The following STOML1 variants were observed in gnomAD, a reference collection of about 807,000 sequenced individuals.
STOML1 encodes the protein stomatin-like protein 1.
Under a neutral mutation model 35.7 loss-of-function variants are expected in STOML1, and 27 were observed. The ratio of observed to expected loss-of-function variants is 0.76; its 90% confidence interval spans 0.56 to 1.04. The LOEUF is 1.04. STOML1 is among the 50% of genes least tolerant of loss of function. The probability of loss-of-function intolerance (pLI) is 0.00; values close to 1 mark genes in which losing one functional copy is unlikely to be tolerated. For missense variants in STOML1, 451 were observed against 527.1 expected, an observed-to-expected ratio of 0.86 and a Z score of 1.41; for synonymous variants, 219 against 227.9, an observed-to-expected ratio of 0.96 and a Z score of 0.35.
chr15:73,984,709 A>G lies in STOML1; in HGVS notation c.953T>C (p.Val318Ala), dbSNP rs1346900893. The G allele has an allele frequency of 6.2e-7, 1 of 1,614,124 alleles. No individual in the cohort carries two copies. The highest frequency in any genetic ancestry group is 2.2e-5 in the East Asian group (1 of 44,878). The change falls in exon 6 of 7, where the codon GTC becomes GCC. Residue 318 changes from valine (V) to alanine (A), a missense_variant. Physicochemically the swap from Val to Ala is moderately conservative, Grantham distance 64. Transcript: ENST00000541638. ...GCTTTGGGTGCCGCTGGGCAGGACG[A>G]CATTGAACTGGTAGCAGGCCCCGAC... ...SQVGACYQFN[V>A]VLPSGTQSAY...
rs1170357778 is a variant in STOML1 at position 73,979,918 on chromosome 15, A to T, written c.*4019T>A. The T allele has an allele frequency of 2.0e-5, 3 of 147,406 alleles. No homozygotes were observed. The East Asian group carries it at 5.8e-4, about 29-fold the overall frequency. 9.1% of individuals were successfully genotyped at this position (147,406 alleles called of 1,614,324 possible). A position where few individuals can be genotyped will look rare whatever the true frequency, so the allele number is the denominator to read the frequency against. On this transcript the variant is annotated 3_prime_UTR_variant, in exon 7 of 7. Transcript: ENST00000541638. ...GCTTGAGAAGGCCCTGTCTCTACAA[A>T]AAAAAAAAAAAAAAAAAAGCCAGGC...
intron 1 of STOML1, chr15:73,990,950 A>C: frequency 6.7e-7 from 1 of 1,486,764 alleles, no homozygotes; most frequent in Non-Finnish European, 8.9e-7. Flanking sequence ...CTTAGCCTAC[A>C]GGGATAAATC....
chr15:73,987,287 G>C (rs1315964507), intron 4 of STOML1: 1 of 152,508 alleles, frequency 6.6e-6, no homozygotes, highest in East Asian at 1.9e-4. Flanking sequence ...AGGGGCATGT[G>C]AATAAGTGTA....
intron 5 of STOML1, 147 bp downstream of exon 5, chr15:73,985,171 G>T: frequency 2.0e-6 from 2 of 1,022,714 alleles, no homozygotes; most frequent in Non-Finnish European, 2.8e-6. Context: ...CAGACACCTG[G>T]CCTCCTCTCA....
At chr15:73,989,401 A>C in intron 2 of STOML1, 144 bp from the exon 3 acceptor site, 4 of 1,001,010 alleles carry the variant, frequency 4.0e-6, no homozygotes, top group Non-Finnish European at 5.4e-6. Context: ...TGAGAAAACC[A>C]AGGCTCAGGG....
chr15:73,990,887 T>C (rs893175504), intron 1 of STOML1: 7 of 1,535,254 alleles, frequency 4.6e-6, no homozygotes, highest in East Asian at 2.4e-5. Context: ...ACATTCCTCC[T>C]ATACCATCAG....
In STOML1 at chr15:73,988,649, G is replaced by A. The variant is rs752290950; in HGVS notation, c.544C>T (p.Pro182Ser). 2 of 1,614,226 alleles carry A rather than the reference G, an allele frequency of 1.2e-6. No individual in the cohort carries two copies. The highest frequency in any genetic ancestry group is 2.2e-5 in the East Asian group (1 of 44,886). ...NAMTKALLKR[P>S]LREIQMEKLK... is the part of the protein sequence containing the mutation. ...TTCTCCATCTGGATCTCCCGCAGCGGCCTCTTGAGCAGGGCCTTGGTCATG... is the reference window on the plus strand; with the variant it reads ...TTCTCCATCTGGATCTCCCGCAGCGACCTCTTGAGCAGGGCCTTGGTCATG... The change falls in exon 4 of 7, where the codon CCG becomes TCG. Residue 182 changes from proline to serine, a missense_variant. Physicochemically the swap from Pro to Ser is moderately conservative, Grantham distance 74. Coordinates refer to ENST00000541638, the MANE Select transcript of STOML1 (RefSeq NM_004809.5). This position sits in a 1 kb window ranked among gnomAD's most constrained non-coding sequence, Gnocchi z 4.8.
chr15:73,989,276 G>A lies in STOML1; in HGVS notation c.241-19C>T. ...GCACAATCTGTCCACAATGGCAAGG[G>A]AAAGAGTTGAAAGTGGTCAGCCTAG... On this transcript the variant is annotated intron_variant, in intron 2 of 6. Transcript: ENST00000541638. The A allele has an allele frequency of 2.6e-6, 4 of 1,561,606 alleles. No individual in the cohort carries two copies. Among genetic ancestry groups the A allele is most frequent in the Non-Finnish European group, 3.5e-6 (4 of 1,148,858 alleles).
At chr15:73,991,920 C>T in intron 1 of STOML1, 171 bp downstream of exon 1, 1 of 1,074,754 alleles carries the variant, frequency 9.3e-7, no homozygotes, top group Non-Finnish European at 1.3e-6. Flanking sequence ...GGCGGATCGG[C>T]GCTAGCACCA....
In STOML1 at chr15:73,988,971, T is replaced by C; in HGVS notation, c.390+137A>G. The C allele has an allele frequency of 6.9e-7, 1 of 1,446,152 alleles. No homozygotes were observed. The highest frequency in any genetic ancestry group is 9.3e-7 in the Non-Finnish European group (1 of 1,077,846). 89.6% of individuals were successfully genotyped at this position (1,446,152 alleles called of 1,614,324 possible). On this transcript the variant is annotated intron_variant, in intron 3 of 6. Transcript: ENST00000541638. The surrounding 1 kb of genome is among the most constrained non-coding windows in gnomAD (Gnocchi z 4.8). ...GGTGTATGAAGCAAGGATGTCCTCC[T>C]AGCTTCCATCAATTTTCTGGTCTCT...
At chr15:73,989,772 G>A (rs1475147482) in intron 2 of STOML1, among the ~76,000 whole-genome samples, 3 of 152,224 alleles carry the variant, frequency 2.0e-5, no homozygotes, top group South Asian at 2.1e-4. Context: ...TTCTGTGGCA[G>A]TTTTAGAACT....
rs903338905 is a variant in STOML1 at position 73,983,201 on chromosome 15, T to G, written c.*736A>C. ...CACCCCATGCCCCCAGGAGCCCCGCTTGGCTTCTTCTCTTTTATACATTGT... is the reference window on the plus strand; with the variant it reads ...CACCCCATGCCCCCAGGAGCCCCGCGTGGCTTCTTCTCTTTTATACATTGT... On this transcript the variant is annotated 3_prime_UTR_variant, in exon 7 of 7. Coordinates refer to ENST00000541638, the MANE Select transcript of STOML1 (RefSeq NM_004809.5). 6.6e-6 allele frequency: 1 copy of G among 152,274 alleles called. No individual in the cohort carries two copies. The highest frequency in any genetic ancestry group is 1.5e-5 in the Non-Finnish European group (1 of 68,074). The allele number at this position is 152,274 out of a possible 1,614,324, so 9.4% of individuals were successfully genotyped here. A position where few individuals can be genotyped will look rare whatever the true frequency, so the allele number is the denominator to read the frequency against.
Position 73,984,135 on chromosome 15 carries a change from G to A in STOML1, c.1004-5C>T. Reference sequence around the variant, plus strand: ...CGTGTCCCACTCTTCCTCGTCCTGTGGGGCAAAAGAAAACCGAGTGTCAGT... The same window carrying A: ...CGTGTCCCACTCTTCCTCGTCCTGTAGGGCAAAAGAAAACCGAGTGTCAGT... On this transcript the variant is annotated splice_polypyrimidine_tract_variant and splice_region_variant and intron_variant, in intron 6 of 6. Coordinates refer to ENST00000541638, the MANE Select transcript of STOML1 (RefSeq NM_004809.5). The A allele has an allele frequency of 6.2e-7, 1 of 1,605,636 alleles. No homozygotes were observed. Among genetic ancestry groups the A allele is most frequent in the Non-Finnish European group, 8.5e-7 (1 of 1,173,636 alleles).
intron 2 of STOML1, among the ~76,000 whole-genome samples, chr15:73,989,667 G>C (rs1378073435): frequency 1.3e-5 from 2 of 152,172 alleles, no homozygotes; most frequent in African/African-American, 4.8e-5. Flanking sequence ...GTCAACTTTA[G>C]GTCCCTGGAC....
rs933546824 is a variant in STOML1, at chr15:73,979,062, A to G, written c.*4875T>C. ...GCAATACAACAAACTACAGATACAC[A>G]GAATAACATGTATTACTCTCAAAAC... On this transcript the variant is annotated 3_prime_UTR_variant, in exon 7 of 7. Coordinates refer to ENST00000541638, the MANE Select transcript of STOML1 (RefSeq NM_004809.5). The G allele has an allele frequency of 3.9e-5, 6 of 152,242 alleles. No homozygotes were observed. Among genetic ancestry groups the G allele is most frequent in the African/African-American group, 1.4e-4 (6 of 41,470 alleles). 9.4% of individuals were successfully genotyped at this position (152,242 alleles called of 1,614,324 possible).
Position 73,988,486 on chromosome 15 carries a change from G to C in STOML1, c.594+113C>G, listed in dbSNP as rs2069161179. 8.7e-6 allele frequency: 11 copies of C among 1,271,206 alleles called. No individual in the cohort carries two copies. The highest frequency in any genetic ancestry group is 1.5e-5 in the African/African-American group (1 of 67,516). The allele number at this position is 1,271,206 out of a possible 1,614,324, so 78.7% of individuals were successfully genotyped here. ...TCTTCAAAGGTGGTTACACTATTGG[G>C]ACATATGGTAAACTGAGGCCCAGAG... On this transcript the variant is annotated intron_variant, in intron 4 of 6. Transcript: ENST00000541638. The surrounding 1 kb of genome is among the most constrained non-coding windows in gnomAD (Gnocchi z 4.8).
chr15:73,981,264 G>A lies in STOML1; in HGVS notation c.*2673C>T, dbSNP rs1037673039. 1 of 152,142 alleles carries A rather than the reference G, an allele frequency of 6.6e-6. No homozygotes were observed. The allele number at this position is 152,142 out of a possible 1,614,324, so 9.4% of individuals were successfully genotyped here. ...CTGGCTACTCAGGTGTCTGAGGCAG[G>A]AGAATCACTTGAATCCGGGAGGTAG... On this transcript the variant is annotated 3_prime_UTR_variant, in exon 7 of 7. Transcript: ENST00000541638.
chr15:73,993,992 T>A (rs1007308058), upstream of STOML1, among the ~76,000 whole-genome samples: 1 of 151,204 alleles, frequency 6.6e-6, no homozygotes, highest in Non-Finnish European at 1.5e-5. Context: ...AAGTCCCTCC[T>A]CTGCATCCCA....
chr15:73,992,562 A>G (rs1165862845), upstream of STOML1, among the ~76,000 whole-genome samples: 1 of 152,090 alleles, frequency 6.6e-6, no homozygotes, highest in Non-Finnish European at 1.5e-5. Flanking sequence ...TAATCCATCA[A>G]TTTGGGAGAC....
Sources: gnomAD v4.1 joint callset for allele counts (sites outside exome capture counted in the v4.1 genomes callset) on GRCh38, gnomAD v4.1.1 for gene constraint, Gnocchi (gnomAD v3.1) non-coding constraint, MANE v1.5 for transcripts, NCBI Gene and HGNC (gene_info 2026-07-23, HGNC 2026-07-21) for gene names.